Variants in NGEF observed in about 807,000 individuals in gnomAD.
NGEF encodes the protein ephexin-1.
In NGEF, 31 loss-of-function variants were observed where a neutral mutation model predicts 80.9. That is an observed-to-expected ratio of 0.38 (90% CI 0.29 to 0.52). The LOEUF is 0.52. Ranked by LOEUF, NGEF falls within the 20% of genes least tolerant of loss-of-function variation. NGEF has a pLI of 0.84. For synonymous variants in NGEF, 371 were observed against 370.2 expected (o/e 1.00, Z -0.03); for missense variants, 709 against 926.2 (o/e 0.77, Z 3.04).
intron 5 of NGEF, among the ~76,000 whole-genome samples, chr2:232,916,174 A>C (rs1419596259): frequency 6.6e-6 from 1 of 152,278 alleles, no homozygotes; most frequent in Non-Finnish European, 1.5e-5. Flanking sequence ...TCCAAAAAGA[A>C]GATGCCATGG....
rs185312794 is a variant in NGEF at position 232,975,734 on chromosome 2, G to A, written c.-74-770C>T. Among the ~76,000 whole-genome samples, 678 of 152,276 alleles carry A rather than the reference G, an allele frequency of 4.5e-3. 6 individuals carry two copies. Among genetic ancestry groups the A allele is most frequent in the South Asian group, 6.8e-3 (33 of 4,822 alleles). On this transcript the variant is annotated intron_variant, in intron 1 of 14. Coordinates refer to ENST00000264051, the MANE Select transcript of NGEF (RefSeq NM_019850.3). ...GGACCCTCTTAGTGGGTCTAAGCTG[G>A]TGGGACAGCGTGTTAGACAGAGAGG...
intron 3 of NGEF, among the ~76,000 whole-genome samples, chr2:232,968,134 G>A (rs182178905): frequency 1.2e-4 from 16 of 137,514 alleles, no homozygotes; most frequent in Admixed American, 1.1e-3. Flanking sequence ...TGTTGCCCAG[G>A]CTGGAGTGCA....
intron 1 of NGEF, among the ~76,000 whole-genome samples, chr2:232,996,000 G>A (rs907631925): frequency 1.3e-5 from 2 of 151,806 alleles, no homozygotes; most frequent in Non-Finnish European, 2.9e-5. Flanking sequence ...ATAAGGTTAA[G>A]AAATTTGTAT....
chr2:232,961,553 C>T (rs745722952), intron 3 of NGEF, among the ~76,000 whole-genome samples: 4 of 152,056 alleles, frequency 2.6e-5, no homozygotes, highest in African/African-American at 4.8e-5. Context: ...AGTGCAGTGG[C>T]GCGATCTCTG....
rs373306209 is a variant in NGEF, at chr2:232,963,148, A to G, written c.383+7066T>C. ...GTTTACACTACCAGATTTTAAGATT[A>G]AGCATAAAGCAACAGTATTTAAGAC... is the stretch of plus-strand genomic sequence containing the variant. On this transcript the variant is annotated intron_variant, in intron 3 of 14. Transcript: ENST00000264051. Among the ~76,000 whole-genome samples, 238 of 152,084 alleles carry G rather than the reference A, an allele frequency of 1.6e-3. 8 individuals carry two copies. The highest frequency in any genetic ancestry group is 5.6e-3 in the African/African-American group (232 of 41,360).
intron 3 of NGEF, among the ~76,000 whole-genome samples, chr2:232,966,921 T>A (rs1371759651): frequency 6.6e-6 from 1 of 152,052 alleles, no homozygotes; most frequent in Non-Finnish European, 1.5e-5. Context: ...AGGTAGATGG[T>A]CAGATATTTA....
chr2:232,981,515 A>T (rs1214654291), intron 1 of NGEF, among the ~76,000 whole-genome samples: 3 of 152,010 alleles, frequency 2.0e-5, no homozygotes, highest in African/African-American at 7.3e-5. Context: ...AGCGCTTGAG[A>T]TGTTTTGCAG....
intron 5 of NGEF, among the ~76,000 whole-genome samples, chr2:232,916,869 G>T (rs1692813778): frequency 6.6e-6 from 1 of 152,188 alleles, no homozygotes; most frequent in African/African-American, 2.4e-5. Flanking sequence ...GCACAGAGAT[G>T]TTCGCACACA....
intron 3 of NGEF, among the ~76,000 whole-genome samples, chr2:232,937,039 G>A (rs1314329031): frequency 2.6e-5 from 4 of 151,958 alleles, no homozygotes; most frequent in East Asian, 1.9e-4. Flanking sequence ...GCTCAGTCTC[G>A]GCTCACTGCA....
chr2:233,002,533 C>T (rs1410465587), intron 1 of NGEF, among the ~76,000 whole-genome samples: 1 of 152,012 alleles, frequency 6.6e-6, no homozygotes, highest in African/African-American at 2.4e-5. Flanking sequence ...AAAAATTAGC[C>T]AGGGGTGGTG....
intron 3 of NGEF, among the ~76,000 whole-genome samples, chr2:232,950,294 G>T (rs1263293430): frequency 6.6e-5 from 10 of 152,196 alleles, no homozygotes; most frequent in Non-Finnish European, 1.3e-4. Flanking sequence ...TTCTCTAACT[G>T]ATTTGTGAAT....
rs1692911078 is a variant in NGEF at position 232,920,302 on chromosome 2, C to T, written c.810G>A (p.Glu270=). Residue 270 remains glutamate (E), a synonymous_variant, in exon 5 of 15, where the codon GAG becomes GAA. Coordinates refer to ENST00000264051, the MANE Select transcript of NGEF (RefSeq NM_019850.3). ...SSGVLEILQP[E]EIKLQEAMFE... is the part of the protein sequence containing the mutation. ...CTGTTACCTCCTGCAGCTTAATCTC[C>T]TCGGGCTGTAGGATCTCAAGCACCC... 6.2e-7 allele frequency: 1 copy of T among 1,613,696 alleles called. No homozygotes were observed. The highest frequency in any genetic ancestry group is 1.7e-5 in the Admixed American group (1 of 59,954).
At chr2:232,970,405 C>G in intron 2 of NGEF, 77 bp from the exon 3 acceptor site, 1 of 907,334 alleles carries the variant, frequency 1.1e-6, no homozygotes, top group South Asian at 1.5e-5. Context: ...AAGCCTAGGA[C>G]AGTAGCAGCA....
intron 3 of NGEF, chr2:232,928,095 C>A: frequency 9.3e-7 from 1 of 1,075,484 alleles, no homozygotes; most frequent in South Asian, 4.4e-5. Context: ...GGAGCGGGGT[C>A]GCAGCGCGCG....
chr2:232,900,580 TCTCA>T (rs1692305272), intron 5 of NGEF, among the ~76,000 whole-genome samples: 3 of 91,080 alleles, frequency 3.3e-5, no homozygotes, highest in African/African-American at 1.5e-4. Context: ...ACACACACGC[TCTCA>T]CAGTCACTCA....
chr2:232,882,564 G>A (rs937887720), intron 12 of NGEF, among the ~76,000 whole-genome samples: 6 of 152,262 alleles, frequency 3.9e-5, no homozygotes, highest in East Asian at 1.9e-4. Context: ...CAAGTAACGC[G>A]TAAGAGCACA....
chr2:233,008,700 CAT>C, intron 1 of NGEF, among the ~76,000 whole-genome samples: 1 of 152,162 alleles, frequency 6.6e-6, no homozygotes, highest in East Asian at 1.9e-4. Context: ...TGGTAGGAAA[CAT>C]ACTCATTAAC....
rs138013355 is a variant in NGEF at position 232,887,173 on chromosome 2, T to C, written c.1347+860A>G. Among the ~76,000 whole-genome samples, 3 of 152,250 alleles carry C rather than the reference T, an allele frequency of 2.0e-5. No homozygotes were observed. The East Asian group carries it at 5.8e-4, about 29-fold the overall frequency. On this transcript the variant is annotated intron_variant, in intron 9 of 14. Coordinates refer to ENST00000264051, the MANE Select transcript of NGEF (RefSeq NM_019850.3). The stretch of plus-strand genomic sequence containing the variant: ...GGAATATGGACATCCCCCGCCTTGC[T>C]CTCCACCATGACGGCGTCACTGGCT...
In NGEF at chr2:232,879,321, C is replaced by T; in HGVS notation, c.*168G>A. 1 of 643,398 alleles carries T rather than the reference C, an allele frequency of 1.6e-6. No homozygotes were observed. Among genetic ancestry groups the T allele is most frequent in the Non-Finnish European group, 2.6e-6 (1 of 377,784 alleles). The allele number at this position is 643,398 out of a possible 1,614,324, so 39.9% of individuals were successfully genotyped here. On this transcript the variant is annotated 3_prime_UTR_variant, in exon 15 of 15. Coordinates refer to ENST00000264051, the MANE Select transcript of NGEF (RefSeq NM_019850.3). ...CTTTATCCAGTTTGCGAGCAAGGGG[C>T]CAAGACACATGAGCACTCACTGCGT... is the stretch of plus-strand genomic sequence containing the variant.
Sources: gnomAD v4.1 joint callset for allele counts (sites outside exome capture counted in the v4.1 genomes callset) on GRCh38, gnomAD v4.1.1 for gene constraint, MANE v1.5 for transcripts, NCBI Gene and HGNC (gene_info 2026-07-23, HGNC 2026-07-21) for gene names.